Variants in MTCH2 observed in about 807,000 individuals in gnomAD.
MTCH2 encodes the protein mitochondrial carrier homolog 2.
A neutral mutation model predicts 50.6 loss-of-function variants in MTCH2; 25 were observed. The ratio of observed to expected loss-of-function variants is 0.49; its 90% CI spans 0.36 to 0.69. The LOEUF (loss-of-function observed/expected upper bound fraction) is 0.69. Ranked by LOEUF, MTCH2 falls within the 30% of genes least tolerant of loss-of-function variation. MTCH2 has a pLI of 0.00. For missense variants in MTCH2, 273 were observed against 384.4 expected, an observed-to-expected ratio of 0.71 and a Z score of 2.42; for synonymous variants, 106 against 132.0, an observed-to-expected ratio of 0.80 and a Z score of 1.35.
At position 47,631,519 on chromosome 11, in the gene MTCH2, G is replaced by A. The variant is rs984609482; in HGVS notation, c.427+135C>T. The A allele has an allele frequency of 1.4e-5, 11 of 784,060 alleles. No homozygotes were observed. The Admixed American group carries it at 1.7e-4, about 12-fold the overall frequency. 48.6% of individuals were successfully genotyped at this position (784,060 alleles called of 1,614,324 possible). On this transcript the variant is annotated intron_variant, in intron 6 of 12. Transcript: ENST00000302503. ...AGACATTTTGCTATCTGGATAAATT[G>A]GATAAAAGCCAAAACAAGCAAGCAA...
chr11:47,633,235 G>A (rs919072248), intron 5 of MTCH2, among the ~76,000 whole-genome samples: 3 of 147,064 alleles, frequency 2.0e-5, no homozygotes, highest in Non-Finnish European at 4.5e-5. Context: ...TCAGCCTCCC[G>A]AGTAGCTGGG....
At chr11:47,624,215 G>T (rs2153798844) in intron 11 of MTCH2, among the ~76,000 whole-genome samples, 1 of 145,840 alleles carries the variant, frequency 6.9e-6, no homozygotes, top group Non-Finnish European at 1.5e-5. Flanking sequence ...CTGGGCAACA[G>T]AGTGAGACTC....
At chr11:47,622,330 A>T (rs2153798554) in intron 12 of MTCH2, among the ~76,000 whole-genome samples, 1 of 152,324 alleles carries the variant, frequency 6.6e-6, no homozygotes, top group African/African-American at 2.4e-5. Context: ...ACTGTGACAA[A>T]TAAGTGGTTA....
At chr11:47,616,010 G>A (rs964003237), downstream of MTCH2, among the ~76,000 whole-genome samples, 1 of 152,060 alleles carries the variant, frequency 6.6e-6, no homozygotes, top group African/African-American at 2.4e-5. Flanking sequence ...CTAGGCTGGA[G>A]TGCAATGGCA....
downstream of MTCH2, among the ~76,000 whole-genome samples, chr11:47,614,750 G>T (rs2097287390): frequency 6.6e-6 from 1 of 152,088 alleles, no homozygotes; most frequent in South Asian, 2.1e-4. Flanking sequence ...CCTAATTTTT[G>T]TAATTTTAGT....
the MTCH2 span, among the ~76,000 whole-genome samples, chr11:47,604,492 T>C: frequency 1.3e-5 from 2 of 152,168 alleles, no homozygotes; most frequent in African/African-American, 4.8e-5. Flanking sequence ...TTTTACTTCT[T>C]GAAGAGATGT....
At chr11:47,621,841 T>C (rs2097293570) in intron 12 of MTCH2, among the ~76,000 whole-genome samples, 2 of 151,976 alleles carry the variant, frequency 1.3e-5, no homozygotes, top group Admixed American at 6.6e-5. Context: ...ACTGGAACTA[T>C]AGGCATGAGC....
At chr11:47,640,964 T>G (rs1258854742) in intron 1 of MTCH2, among the ~76,000 whole-genome samples, 2 of 152,010 alleles carry the variant, frequency 1.3e-5, no homozygotes, top group Non-Finnish European at 2.9e-5. Flanking sequence ...TGGCGCGATC[T>G]CGGCTCACTG....
At chr11:47,623,628 A>G (rs960325696) in intron 11 of MTCH2, among the ~76,000 whole-genome samples, 1 of 152,194 alleles carries the variant, frequency 6.6e-6, no homozygotes, top group African/African-American at 2.4e-5. Flanking sequence ...AGTAACATGA[A>G]ACAAACAAAA....
chr11:47,641,738 T>C (rs1725838383), intron 1 of MTCH2, among the ~76,000 whole-genome samples: 1 of 152,192 alleles, frequency 6.6e-6, no homozygotes, highest in African/African-American at 2.4e-5. Flanking sequence ...GTGATTTTCA[T>C]TGTCAGGAGC....
chr11:47,636,996 T>C (rs1263185171), intron 3 of MTCH2, among the ~76,000 whole-genome samples: 1 of 150,572 alleles, frequency 6.6e-6, no homozygotes, highest in Admixed American at 6.6e-5. Context: ...TTCACTCTTG[T>C]CACCCAGCTG....
chr11:47,642,262 A>G, intron 1 of MTCH2, 117 bp downstream of exon 1: 2 of 860,742 alleles, frequency 2.3e-6, no homozygotes, highest in Non-Finnish European at 3.5e-6. Context: ...GCAGCGGAGG[A>G]GCAGCAGCAT....
Position 47,621,252 on chromosome 11 carries a change from AG to A in MTCH2, c.825+1448del, listed in dbSNP as rs148284461. On this transcript the variant is annotated intron_variant, in intron 12 of 12. Transcript: ENST00000302503. ...TTAGGCCTTTTCATTCAGATTTCAA[AG>A]GCCTTTCTCTTATATATCACTAGTG... is the stretch of plus-strand genomic sequence containing the variant. Among the ~76,000 whole-genome samples the A allele has an allele frequency of 8.1e-3, 1,237 of 152,314 alleles. 17 individuals are homozygous for A. Among genetic ancestry groups the A allele is most frequent in the African/African-American group, 0.029 (1,188 of 41,564 alleles).
the MTCH2 span, among the ~76,000 whole-genome samples, chr11:47,606,381 A>C: frequency 1.3e-5 from 2 of 152,124 alleles, no homozygotes; most frequent in Non-Finnish European, 2.9e-5. Flanking sequence ...CATAACCAGC[A>C]ATATCTTTTA....
At chr11:47,621,886 T>C (rs1387331433) in intron 12 of MTCH2, among the ~76,000 whole-genome samples, 3 of 152,054 alleles carry the variant, frequency 2.0e-5, no homozygotes, top group Admixed American at 6.6e-5. Context: ...TTTCCTTTTT[T>C]GGATACAGGG....
chr11:47,607,749 C>T, the MTCH2 span, among the ~76,000 whole-genome samples: 3 of 152,132 alleles, frequency 2.0e-5, no homozygotes, highest in Non-Finnish European at 2.9e-5. Context: ...GGAAACCAGC[C>T]GAGGGGTGGG....
At chr11:47,635,089 A>C (rs957786738) in intron 4 of MTCH2, among the ~76,000 whole-genome samples, 8 of 151,292 alleles carry the variant, frequency 5.3e-5, no homozygotes, top group Non-Finnish European at 5.9e-5. Context: ...GACGGTTTTT[A>C]TTTCTTTTGA....
chr11:47,626,621 CTTTT>C (rs1048130628), intron 10 of MTCH2, among the ~76,000 whole-genome samples: 2 of 150,842 alleles, frequency 1.3e-5, no homozygotes, highest in Non-Finnish European at 3.0e-5. Context: ...GTTATTCTCT[CTTTT>C]TTTTTGAGAT....
intron 9 of MTCH2, among the ~76,000 whole-genome samples, 156 bp downstream of exon 9, chr11:47,628,797 C>T (rs1205041211): frequency 2.6e-5 from 4 of 152,088 alleles, no homozygotes; most frequent in African/African-American, 9.7e-5. Context: ...AGGCTGGTCT[C>T]GAACTCTTGA....
Sources: allele counts gnomAD v4.1 joint callset (sites outside exome capture counted in the v4.1 genomes callset), GRCh38; gene constraint gnomAD v4.1.1; transcripts MANE v1.5; gene names NCBI Gene and HGNC (gene_info 2026-07-23, HGNC 2026-07-21).